Variants in RNLS observed in about 807,000 individuals in gnomAD.
RNLS encodes renalase.
Under a neutral mutation model 39.8 loss-of-function variants are expected in RNLS, and 39 were observed. The ratio of observed to expected loss-of-function variants is 0.98; its 90% CI spans 0.76 to 1.28. The LOEUF is 1.28. Among genes scored for constraint, RNLS ranks in the 50% most tolerant of loss-of-function variants. The probability of loss-of-function intolerance (pLI) is 0.00; values close to 1 mark genes in which losing one functional copy is unlikely to be tolerated. For missense variants in RNLS, 410 were observed against 413.3 expected (o/e 0.99, Z 0.07); for synonymous variants, 147 against 150.7 (o/e 0.98, Z 0.18).
chr10:88,255,901 G>A, the RNLS span, among the ~76,000 whole-genome samples: 3 of 152,048 alleles, frequency 2.0e-5, 1 homozygote, highest in Admixed American at 6.5e-5. Flanking sequence ...AGCCCTGTGA[G>A]GATTCTCACA....
rs1209297613 is a variant in RNLS, at chr10:88,414,671, A to G, written c.527-51946T>C. Among the ~76,000 whole-genome samples, 10 of 152,222 alleles carry G rather than the reference A, an allele frequency of 6.6e-5. No homozygotes were observed. In the East Asian group the frequency reaches 1.7e-3, roughly 26 times the overall value. On this transcript the variant is annotated intron_variant, in intron 4 of 6. Coordinates refer to ENST00000331772, the MANE Select transcript of RNLS (RefSeq NM_001031709.3). The stretch of plus-strand genomic sequence containing the variant: ...GGAGCTTTTTGACTCTTATTTGAAT[A>G]ATATATAAGATGGGAGTTGGAAGTA...
At chr10:88,310,721 G>A (rs1845296268) in intron 6 of RNLS, among the ~76,000 whole-genome samples, 1 of 143,050 alleles carries the variant, frequency 7.0e-6, no homozygotes, top group Admixed American at 7.3e-5. Context: ...GAGCTCAGAA[G>A]TTTGAGGCAG....
intron 4 of RNLS, among the ~76,000 whole-genome samples, chr10:88,504,842 A>ACTGT (rs1554911546): frequency 9.4e-6 from 1 of 106,770 alleles, no homozygotes. Flanking sequence ...AGAGAGAGAC[A>ACTGT]GAGTGTGTGT....
intron 6 of RNLS, among the ~76,000 whole-genome samples, chr10:88,294,931 C>T (rs549374554): frequency 6.6e-6 from 1 of 151,964 alleles, no homozygotes; most frequent in African/African-American, 2.4e-5. Context: ...TTTCCGCCCC[C>T]ACCCTCCAAA....
At chr10:88,483,313 C>G (rs951103234) in intron 4 of RNLS, among the ~76,000 whole-genome samples, 1 of 152,170 alleles carries the variant, frequency 6.6e-6, no homozygotes, top group African/African-American at 2.4e-5. Context: ...TCAAGCCCAT[C>G]CCTTGGCCAC....
intron 5 of RNLS, among the ~76,000 whole-genome samples, chr10:88,346,879 G>A (rs1017429946): frequency 2.6e-5 from 4 of 152,154 alleles, no homozygotes; most frequent in African/African-American, 7.2e-5. Flanking sequence ...GAAAGCAGCA[G>A]GCTCTGCAGT....
chr10:88,469,921 T>C (rs202143921), intron 4 of RNLS, among the ~76,000 whole-genome samples: 6 of 132,396 alleles, frequency 4.5e-5, no homozygotes, highest in Non-Finnish European at 7.0e-5. Context: ...TACATACATA[T>C]ATATACAAAG....
chr10:88,249,041 G>A, the RNLS span, among the ~76,000 whole-genome samples: 2 of 152,006 alleles, frequency 1.3e-5, no homozygotes, highest in Admixed American at 6.6e-5. Flanking sequence ...CCTTCCCTTC[G>A]TCTGCTCTGT....
chr10:88,396,284 T>C (rs1852554585), intron 4 of RNLS, among the ~76,000 whole-genome samples: 1 of 152,020 alleles, frequency 6.6e-6, no homozygotes, highest in Non-Finnish European at 1.5e-5. Flanking sequence ...TTAATGTGTA[T>C]ACAATGTACA....
At chr10:88,512,754 C>G (rs1419890579) in intron 4 of RNLS, among the ~76,000 whole-genome samples, 1 of 152,158 alleles carries the variant, frequency 6.6e-6, no homozygotes, top group South Asian at 2.1e-4. Context: ...CCAACGAGCA[C>G]TTTACTCTCC....
At chr10:88,310,823 AAAAAG>A (rs1845312649) in intron 6 of RNLS, among the ~76,000 whole-genome samples, 2 of 146,036 alleles carry the variant, frequency 1.4e-5, no homozygotes, top group Admixed American at 1.4e-4. Context: ...AAAAAAAAAA[AAAAAG>A]AAAGAAAAGG....
At chr10:88,483,061 C>T (rs755156331) in intron 4 of RNLS, among the ~76,000 whole-genome samples, 3 of 152,036 alleles carry the variant, frequency 2.0e-5, no homozygotes, top group African/African-American at 4.8e-5. Flanking sequence ...TGGATTCCTA[C>T]AGGTTACCCT....
At chr10:88,276,048 T>C (rs916897426) in intron 6 of RNLS, among the ~76,000 whole-genome samples, 15 of 152,228 alleles carry the variant, frequency 9.9e-5, no homozygotes, top group African/African-American at 3.6e-4. Context: ...AGCAAGACAC[T>C]GTCTCTAAAA....
chr10:88,413,688 A>G (rs1200329004), intron 4 of RNLS, among the ~76,000 whole-genome samples: 1 of 152,190 alleles, frequency 6.6e-6, no homozygotes, highest in Non-Finnish European at 1.5e-5. Flanking sequence ...CCTCTTTCAG[A>G]TAACTCTTTT....
chr10:88,316,203 C>A (rs1845758863), intron 5 of RNLS, among the ~76,000 whole-genome samples: 1 of 152,142 alleles, frequency 6.6e-6, no homozygotes, highest in African/African-American at 2.4e-5. Flanking sequence ...GTATTTTCAC[C>A]TCACAGTAGC....
At chr10:88,494,052 AC>A (rs1408192674) in intron 4 of RNLS, among the ~76,000 whole-genome samples, 1 of 152,142 alleles carries the variant, frequency 6.6e-6, no homozygotes, top group Non-Finnish European at 1.5e-5. Flanking sequence ...AGACACACAC[AC>A]AAAAATAAGG....
In RNLS at chr10:88,285,023, T is replaced by G; in HGVS notation, c.*331A>C. On this transcript the variant is annotated 3_prime_UTR_variant, in exon 7 of 7. Coordinates refer to ENST00000331772, the MANE Select transcript of RNLS (RefSeq NM_001031709.3). ...TGAAATTTTCATAAGGATAATCAAG[T>G]TTTTGGCACACAAACTGTTATTGTG... 9.9e-7 allele frequency: 1 copy of G among 1,009,698 alleles called. No individual in the cohort carries two copies. 62.5% of individuals were successfully genotyped at this position (1,009,698 alleles called of 1,614,324 possible).
At chr10:88,450,406 G>A (rs1842298100) in intron 4 of RNLS, among the ~76,000 whole-genome samples, 1 of 152,200 alleles carries the variant, frequency 6.6e-6, no homozygotes, top group Non-Finnish European at 1.5e-5. Context: ...TAGTGTCAGG[G>A]CAGATGAATC....
chr10:88,281,935 G>C (rs1843023383), downstream of RNLS, among the ~76,000 whole-genome samples: 1 of 152,054 alleles, frequency 6.6e-6, no homozygotes. Context: ...TGGAAGAAAA[G>C]AAGAGAGCAA....
Sources: allele counts gnomAD v4.1 joint callset (sites outside exome capture counted in the v4.1 genomes callset), GRCh38; gene constraint gnomAD v4.1.1; transcripts MANE v1.5; gene names NCBI Gene and HGNC (gene_info 2026-07-23, HGNC 2026-07-21).